SLC2A14: variants seen among roughly 807,000 people sequenced by gnomAD.
The protein encoded by SLC2A14 is solute carrier family 2 member 14.
Under a neutral mutation model 43.0 loss-of-function variants are expected in SLC2A14, and 13 were observed. The observed-to-expected ratio is 0.30, with a 90% CI of 0.20 to 0.48. The LOEUF is 0.48. Among genes scored for constraint, SLC2A14 ranks in the 20% least tolerant of loss-of-function variants. The pLI, the probability that SLC2A14 is intolerant of heterozygous loss-of-function variation, is 0.99. For synonymous variants in SLC2A14, 190 were observed against 233.8 expected, an observed-to-expected ratio of 0.81 and a Z score of 1.71; for missense variants, 428 against 620.4, an observed-to-expected ratio of 0.69 and a Z score of 3.29.
At chr12:7,884,433 T>TG (rs1189089975) in intron 1 of SLC2A14, among the ~76,000 whole-genome samples, 24 of 152,188 alleles carry the variant, frequency 1.6e-4, no homozygotes, top group African/African-American at 5.5e-4. Flanking sequence ...AGTGCCGTAG[T>TG]GGGGGGATGG....
intron 1 of SLC2A14, chr12:7,870,723 A>G (rs1945176326): frequency 2.3e-6 from 1 of 430,116 alleles, no homozygotes; most frequent in African/African-American, 2.1e-5. Context: ...GAAAAAACAA[A>G]TAAAGTCAAA....
At chr12:7,829,142 G>A (rs1864774053) in intron 5 of SLC2A14, among the ~76,000 whole-genome samples, 1 of 152,058 alleles carries the variant, frequency 6.6e-6, no homozygotes, top group Admixed American at 6.6e-5. Context: ...AACCCAGGAG[G>A]CGGAGGTTGC....
At position 7,819,530 on chromosome 12, in the gene SLC2A14, T is replaced by C; in HGVS notation, c.1023A>G (p.Gly341=). ...TGAGCGTGGAACAAAAAGCCATCCC[T>C]CCAAGGCCTATCATATGCAGAGTCC... is the stretch of plus-strand genomic sequence containing the variant. ...GRRTLHMIGL[G]GMAFCSTLMT... Residue 341 remains glycine, a synonymous_variant, in exon 9 of 11, where the codon GGA becomes GGG. Transcript: ENST00000431042. The C allele has an allele frequency of 1.9e-6, 3 of 1,611,654 alleles. No homozygotes were observed.
rs1565507403 is a variant in SLC2A14, at chr12:7,826,858, C to CCTTTCTTTT, written c.864+636_864+637insAAAAGAAAG. ...CTTTCCTTCCTTCCTTCCTTCCTTTCTTTTTTCTTTCTTTCTTTCTTTCTT... is the reference window on the plus strand; with the variant it reads ...CTTTCCTTCCTTCCTTCCTTCCTTTCCTTTCTTTTTTTTTTCTTTCTTTCTTTCTTTCTT... On this transcript the variant is annotated intron_variant, in intron 7 of 10. Transcript: ENST00000431042. Among the ~76,000 whole-genome samples the CCTTTCTTTT allele has an allele frequency of 2.8e-4, 12 of 43,192 alleles. 2 individuals are homozygous for CCTTTCTTTT. The highest frequency in any genetic ancestry group is 5.2e-4 in the Non-Finnish European group (12 of 22,880). The allele number at this position is 43,192 out of a possible 152,430, so 28.3% of individuals were successfully genotyped here.
intron 1 of SLC2A14, among the ~76,000 whole-genome samples, chr12:7,889,553 G>A (rs1325005799): frequency 7.6e-6 from 1 of 131,322 alleles, no homozygotes; most frequent in Non-Finnish European, 1.7e-5. Context: ...TTTTTTTTTT[G>A]AGATGGAGTT....
At chr12:7,826,931 C>CT in intron 7 of SLC2A14, among the ~76,000 whole-genome samples, 1 of 66,318 alleles carries the variant, frequency 1.5e-5, no homozygotes, top group Non-Finnish European at 3.8e-5. Context: ...TTTTTCTTTC[C>CT]TTTCCTTTCC....
chr12:7,890,181 T>C (rs929599993), intron 1 of SLC2A14, among the ~76,000 whole-genome samples: 1 of 152,044 alleles, frequency 6.6e-6, no homozygotes, highest in Admixed American at 6.6e-5. Context: ...CCAGCTCCTA[T>C]TGAAGATGGA....
At chr12:7,882,221 C>T (rs1302463909) in intron 1 of SLC2A14, among the ~76,000 whole-genome samples, 5 of 151,926 alleles carry the variant, frequency 3.3e-5, no homozygotes, top group Non-Finnish European at 5.9e-5. Flanking sequence ...GACCAGAAGC[C>T]CACCGGGAGA....
At chr12:7,836,921 C>A (rs1245696796) in intron 2 of SLC2A14, among the ~76,000 whole-genome samples, 1 of 151,996 alleles carries the variant, frequency 6.6e-6, no homozygotes, top group East Asian at 1.9e-4. Context: ...ATAATCCCAG[C>A]ATTTTAGGAG....
At chr12:7,817,357 T>C (rs1377894356) in intron 10 of SLC2A14, among the ~76,000 whole-genome samples, 1 of 152,030 alleles carries the variant, frequency 6.6e-6, no homozygotes, top group African/African-American at 2.4e-5. Flanking sequence ...TCAGGTGATC[T>C]GCCTGCCTCA....
Position 7,832,723 on chromosome 12 carries a change from G to A in SLC2A14, c.110C>T (p.Thr37Met), listed in dbSNP as rs190134197. The A allele has an allele frequency of 6.4e-5, 104 of 1,613,712 alleles. 1 individual carries two copies. Among genetic ancestry groups the A allele is most frequent in the Middle Eastern group, 5.0e-4 (3 of 6,040 alleles). The change falls in exon 3 of 11, where the codon ACG becomes ATG. Residue 37 changes from threonine (T) to methionine (M), a missense_variant and splice_region_variant. Physicochemically the swap from Thr to Met is moderately conservative, Grantham distance 81 (BLOSUM62 -1). Around this residue, in one of 4 missense-constraint regions of SLC2A14, gnomAD observed 122 missense variants for 128.8 expected, o/e 0.95. Transcript: ENST00000431042. ...YNTGVINAPE[T>M]IIKEFINKTL... ...TAATTCTTGTGGCCTGGCACTCACC[G>A]TCTCAGGAGCATTGATGACCCCAGT...
intron 7 of SLC2A14, among the ~76,000 whole-genome samples, chr12:7,825,919 CTG>C (rs1459250833): frequency 6.6e-6 from 1 of 151,736 alleles, no homozygotes; most frequent in East Asian, 1.9e-4. Flanking sequence ...AGGGCCCAGA[CTG>C]TGGTGAGGCA....
intron 7 of SLC2A14, among the ~76,000 whole-genome samples, chr12:7,821,949 C>A (rs943877343): frequency 9.2e-5 from 14 of 151,690 alleles, no homozygotes; most frequent in Non-Finnish European, 1.3e-4. Context: ...CTCAGCCTCC[C>A]AAGTAGCTGG....
intron 10 of SLC2A14, among the ~76,000 whole-genome samples, chr12:7,817,178 C>T (rs922917328): frequency 1.6e-4 from 24 of 150,658 alleles, no homozygotes; most frequent in Admixed American, 4.6e-4. Context: ...TGCAATGGCC[C>T]GATCTCAGCT....
chr12:7,827,032 CTCTT>C (rs1366336245), intron 7 of SLC2A14, among the ~76,000 whole-genome samples: 20 of 136,950 alleles, frequency 1.5e-4, no homozygotes, highest in East Asian at 6.8e-4. Context: ...TCCTTTCTCT[CTCTT>C]TCTCTCCTTT....
intron 2 of SLC2A14, among the ~76,000 whole-genome samples, chr12:7,852,446 A>G (rs1308525086): frequency 6.6e-6 from 1 of 152,196 alleles, no homozygotes; most frequent in Non-Finnish European, 1.5e-5. Flanking sequence ...ATAAAAGAAG[A>G]GAGCAGTGAT....
chr12:7,839,788 C>T (rs950195762), intron 2 of SLC2A14: 7 of 452,492 alleles, frequency 1.5e-5, no homozygotes, highest in African/African-American at 4.0e-5. Context: ...GAAGGGGCTT[C>T]GGAGGCCAGG....
intron 1 of SLC2A14, among the ~76,000 whole-genome samples, chr12:7,888,406 A>G (rs1421080035): frequency 2.0e-5 from 3 of 152,154 alleles, no homozygotes; most frequent in Non-Finnish European, 2.9e-5. Context: ...AACGCACTCA[A>G]TGGTGGAAAA....
At chr12:7,870,857 C>A in intron 1 of SLC2A14, 2 of 1,283,366 alleles carry the variant, frequency 1.6e-6, no homozygotes, top group South Asian at 2.8e-5. Context: ...CCAAAATGTT[C>A]AGCAAGTGGA....
Sources: gnomAD v4.1 joint callset for allele counts (sites outside exome capture counted in the v4.1 genomes callset) on GRCh38, gnomAD v4.1.1 for gene constraint, gnomAD v4.1.1 regional missense constraint, MANE v1.5 for transcripts, NCBI Gene and HGNC (gene_info 2026-07-23, HGNC 2026-07-21) for gene names.